Variants in ZNF623 observed in about 807,000 individuals in gnomAD.
ZNF623 encodes the protein zinc finger protein 623.
Under a neutral mutation model 24.0 loss-of-function variants are expected in ZNF623, and 16 were observed. The ratio of observed to expected loss-of-function variants is 0.67; its 90% CI spans 0.45 to 1.01. The LOEUF is 1.01. Among genes scored for constraint, ZNF623 ranks in the 50% least tolerant of loss-of-function variants. ZNF623 has a pLI of 0.00. For missense variants in ZNF623, 566 were observed against 606.5 expected (o/e 0.93, Z 0.70); for synonymous variants, 224 against 219.8 (o/e 1.02, Z -0.17).
chr8:143,649,973 C>T lies in ZNF623; in HGVS notation c.-20C>T, dbSNP rs775106918. 18 of 1,614,060 alleles carry T rather than the reference C, an allele frequency of 1.1e-5. No individual in the cohort carries two copies. Among genetic ancestry groups the T allele is most frequent in the South Asian group, 5.5e-5 (5 of 91,084 alleles). ...GAGGATGAAAACTCACATAGGACGACGTCAGACAGACTCACGGTGATGGAG... is the reference window on the plus strand; with the variant it reads ...GAGGATGAAAACTCACATAGGACGATGTCAGACAGACTCACGGTGATGGAG... On this transcript the variant is annotated 5_prime_UTR_variant, in exon 2 of 2. In the 5' UTR this introduces an upstream ATG that the reference lacks. Coordinates refer to ENST00000526926, the MANE Select transcript of ZNF623 (RefSeq NM_001261843.2).
intron 1 of ZNF623, among the ~76,000 whole-genome samples, chr8:143,638,319 C>T (rs1465938920): frequency 5.9e-5 from 8 of 136,580 alleles, no homozygotes; most frequent in Admixed American, 2.4e-4. Flanking sequence ...CCAGCCTGGG[C>T]GACAGAGTGA....
intron 1 of ZNF623, among the ~76,000 whole-genome samples, chr8:143,638,929 G>T (rs1359116825): frequency 6.6e-6 from 1 of 152,052 alleles, no homozygotes; most frequent in African/African-American, 2.4e-5. Context: ...GTTTGCTCTT[G>T]TTGCCCAGGC....
intron 1 of ZNF623, among the ~76,000 whole-genome samples, chr8:143,640,941 TAAAA>T (rs57279986): frequency 0.028 from 1,862 of 65,540 alleles, 71 homozygotes; most frequent in African/African-American, 0.099. Flanking sequence ...ACTCTGTCTT[TAAAA>T]AAAAAAAAAA....
chr8:143,649,504 C>T (rs1815245051), intron 1 of ZNF623, among the ~76,000 whole-genome samples: 1 of 151,920 alleles, frequency 6.6e-6, no homozygotes, highest in South Asian at 2.1e-4. Context: ...GAGAAGAGGA[C>T]ATGAAGGAAG....
intron 1 of ZNF623, 34 bp from the exon 2 acceptor site, chr8:143,649,864 A>G (rs776433166): frequency 1.3e-6 from 2 of 1,590,362 alleles, no homozygotes; most frequent in Non-Finnish European, 8.6e-7. Flanking sequence ...CTGTTAAGTA[A>G]GGGGAAAGAT....
Position 143,637,095 on chromosome 8 carries a change from G to T in ZNF623, c.-96+950G>T, listed in dbSNP as rs550008910. Among the ~76,000 whole-genome samples, 577 of 152,354 alleles carry T rather than the reference G, an allele frequency of 3.8e-3. 4 individuals carry two copies. Among genetic ancestry groups the T allele is most frequent in the Non-Finnish European group, 7.2e-3 (488 of 68,030 alleles). ...CGGTAGCAGAAGCCAAATGGCCTGG[G>T]TGGGGCGGGGGCAGTTGACAGCTGG... On this transcript the variant is annotated intron_variant, in intron 1 of 1. Transcript: ENST00000526926.
At chr8:143,637,989 A>G (rs542117850) in intron 1 of ZNF623, among the ~76,000 whole-genome samples, 5 of 152,200 alleles carry the variant, frequency 3.3e-5, no homozygotes, top group Admixed American at 3.3e-4. Flanking sequence ...AAATGTATTG[A>G]TTTAATTTTA....
Position 143,650,374 on chromosome 8 carries a change from G to A in ZNF623, c.382G>A (p.Glu128Lys), listed in dbSNP as rs1415590237. 6.2e-7 allele frequency: 1 copy of A among 1,614,158 alleles called. No individual in the cohort carries two copies. Reference protein sequence around the residue: ...KGFGQSSHLMEHQRIHTGERL... With the variant: ...KGFGQSSHLMKHQRIHTGERL... The stretch of plus-strand genomic sequence containing the variant: ...CTTTGGCCAGAGCTCACACCTTATG[G>A]AGCATCAGAGAATTCACACTGGAGA... Residue 128 changes from glutamate (E) to lysine (K), a missense_variant, in exon 2 of 2, where the codon GAG (glutamate) becomes AAG (lysine). Coordinates refer to ENST00000526926, the MANE Select transcript of ZNF623 (RefSeq NM_001261843.2). This position sits in a 1 kb window ranked among gnomAD's most constrained non-coding sequence, Gnocchi z 5.2.
At chr8:143,647,171 C>T (rs11778687) in intron 1 of ZNF623, among the ~76,000 whole-genome samples, 78,273 of 151,062 alleles carry the variant, frequency 0.52, 24,074 homozygotes, top group East Asian at 0.84. Flanking sequence ...TGTTTTGTTT[C>T]GTTTTTTGAG....
At chr8:143,646,274 C>T (rs1000989012) in intron 1 of ZNF623, among the ~76,000 whole-genome samples, 2 of 152,112 alleles carry the variant, frequency 1.3e-5, no homozygotes, top group Non-Finnish European at 2.9e-5. Context: ...GACTCCTGGC[C>T]TCAAGTAGTC....
intron 1 of ZNF623, chr8:143,649,658 G>C (rs1190425520): frequency 1.9e-5 from 11 of 566,070 alleles, no homozygotes; most frequent in Non-Finnish European, 1.9e-5. Context: ...GAGGAGTGTT[G>C]TGCACCACAG....
chr8:143,649,514 G>A (rs1314588130), intron 1 of ZNF623: 1 of 220,150 alleles, frequency 4.5e-6, no homozygotes, highest in African/African-American at 2.3e-5. Flanking sequence ...CATGAAGGAA[G>A]GAATGAGGAA....
chr8:143,646,719 C>T (rs1257461947), intron 1 of ZNF623, among the ~76,000 whole-genome samples: 1 of 152,148 alleles, frequency 6.6e-6, no homozygotes, highest in Non-Finnish European at 1.5e-5. Context: ...GGCTGGAATG[C>T]AGTGGCACAA....
rs1476471649 is a variant in ZNF623 at position 143,653,323 on chromosome 8, T to C, written c.*1840T>C. ...TTAAATACTACCAACCCTGAACGTC[T>C]CAGGACAAATAATTCAAAAAAGAGA... On this transcript the variant is annotated 3_prime_UTR_variant, in exon 2 of 2. Coordinates refer to ENST00000526926, the MANE Select transcript of ZNF623 (RefSeq NM_001261843.2). The C allele has an allele frequency of 2.4e-5, 4 of 166,970 alleles. No homozygotes were observed. The highest frequency in any genetic ancestry group is 9.7e-5 in the African/African-American group (4 of 41,400). The allele number at this position is 166,970 out of a possible 1,614,324, so 10.3% of individuals were successfully genotyped here. A position where few individuals can be genotyped will look rare whatever the true frequency, so the allele number is the denominator to read the frequency against.
At chr8:143,646,567 G>GTGTGTGCA (rs759532267) in intron 1 of ZNF623, among the ~76,000 whole-genome samples, 1 of 151,936 alleles carries the variant, frequency 6.6e-6, no homozygotes, top group Non-Finnish European at 1.5e-5. Flanking sequence ...GTGTGTGTGT[G>GTGTGTGCA]TGCATGCATG....
At chr8:143,638,431 CAG>C (rs1214933625) in intron 1 of ZNF623, among the ~76,000 whole-genome samples, 1 of 150,950 alleles carries the variant, frequency 6.6e-6, no homozygotes, top group Non-Finnish European at 1.5e-5. Flanking sequence ...TTCTTGTAAA[CAG>C]AAACACCCTG....
At chr8:143,640,370 G>A (rs1465989464) in intron 1 of ZNF623, among the ~76,000 whole-genome samples, 2 of 152,176 alleles carry the variant, frequency 1.3e-5, no homozygotes, top group Non-Finnish European at 2.9e-5. Flanking sequence ...GGTGTGACTG[G>A]CAGTTTCTTA....
chr8:143,649,656 T>C, intron 1 of ZNF623: 1 of 557,078 alleles, frequency 1.8e-6, no homozygotes, highest in Non-Finnish European at 3.2e-6. Flanking sequence ...CAGAGGAGTG[T>C]TGTGCACCAC....
chr8:143,650,721 G>A lies in ZNF623; in HGVS notation c.729G>A (p.Gln243=). ...IRSSSLIRHY[Q]IHTEVKQYEC... is the part of the protein sequence containing the mutation. ...GCTCGAGCCTCATTCGCCATTATCA[G>A]ATCCACACAGAAGTGAAACAGTATG... Residue 243 remains glutamine, a synonymous_variant, in exon 2 of 2, where the codon CAG becomes CAA. Coordinates refer to ENST00000526926, the MANE Select transcript of ZNF623 (RefSeq NM_001261843.2). The surrounding 1 kb of genome is among the most constrained non-coding windows in gnomAD (Gnocchi z 5.2). 1 of 1,614,128 alleles carries A rather than the reference G, an allele frequency of 6.2e-7. No homozygotes were observed. Among genetic ancestry groups the A allele is most frequent in the Non-Finnish European group, 8.5e-7 (1 of 1,180,018 alleles).
Sources: allele counts gnomAD v4.1 joint callset (sites outside exome capture counted in the v4.1 genomes callset), GRCh38; gene constraint gnomAD v4.1.1; non-coding constraint Gnocchi (gnomAD v3.1); transcripts MANE v1.5; gene names NCBI Gene and HGNC (gene_info 2026-07-23, HGNC 2026-07-21).